SLC38A10: variants seen among roughly 807,000 people sequenced by gnomAD.
SLC38A10 encodes the protein Sodium-coupled neutral amino acid transporter 10.
In SLC38A10, 53 loss-of-function variants were observed where a neutral mutation model predicts 81.0. That is an observed-to-expected ratio of 0.65 (90% CI 0.53 to 0.82). SLC38A10 has a LOEUF of 0.82. Among genes scored for constraint, SLC38A10 ranks in the 40% least tolerant of loss-of-function variants. The pLI is 0.00. For synonymous variants in SLC38A10, 665 were observed against 655.3 expected, an observed-to-expected ratio of 1.01 and a Z score of -0.23; for missense variants, 1,471 against 1,545.0, an observed-to-expected ratio of 0.95 and a Z score of 0.80.
At chr17:81,259,263 A>T (rs1238928837) in intron 11 of SLC38A10, among the ~76,000 whole-genome samples, 1 of 152,146 alleles carries the variant, frequency 6.6e-6, no homozygotes, top group African/African-American at 2.4e-5. Context: ...TGAGACCCCC[A>T]GCCAGAGCCG....
At position 81,272,620 on chromosome 17, in the gene SLC38A10, T is replaced by A. The variant is rs369218010; in HGVS notation, c.920A>T (p.Asp307Val). 1 of 1,547,000 alleles carries A rather than the reference T, an allele frequency of 6.5e-7. No individual in the cohort carries two copies. Among genetic ancestry groups the A allele is most frequent in the South Asian group, 1.2e-5 (1 of 81,990 alleles). ...GTAGCCCCCTGCTGCAAAGGTGCCA[T>A]CTTTTTGCTGTACAAAAGAAAAACA... is the stretch of plus-strand genomic sequence containing the variant. ...STLLCEQQQK[D>V]GTFAAGGYMP... Residue 307 changes from aspartate (D) to valine (V), a missense_variant, in exon 9 of 16, where the codon GAT becomes GTT. Asp to Val is a radical substitution (Grantham distance 152). This residue lies in a region of SLC38A10 where 720 missense variants were observed against 827.7 expected (regional missense o/e 0.87). Transcript: ENST00000374759.
Position 81,289,324 on chromosome 17 carries a change from G to A in SLC38A10, c.217+367C>T, listed in dbSNP as rs2063291918. On this transcript the variant is annotated intron_variant, in intron 2 of 15. Transcript: ENST00000374759. The surrounding 1 kb of genome is among the most constrained non-coding windows in gnomAD (Gnocchi z 5.9). ...GCCAAAGTGCTGGGATTACAGGCAC[G>A]AGCCACCACGCCCGGCAGGTTTTTT... 6.6e-6 allele frequency among the ~76,000 whole-genome samples: 1 copy of A among 151,522 alleles called. No homozygotes were observed. The highest frequency in any genetic ancestry group is 1.5e-5 in the Non-Finnish European group (1 of 67,962).
intron 13 of SLC38A10, 137 bp downstream of exon 13, chr17:81,252,058 G>C (rs1002438796): frequency 1.6e-6 from 2 of 1,277,644 alleles, no homozygotes; most frequent in African/African-American, 3.0e-5. Context: ...GCCGGGGCCC[G>C]CTCCATTTGC....
At position 81,252,617 on chromosome 17, in the gene SLC38A10, A is replaced by AC; in HGVS notation, c.1522dup (p.Val508GlyfsTer3). On this transcript the variant is annotated frameshift_variant, in exon 13 of 16. Coordinates refer to ENST00000374759, the MANE Select transcript of SLC38A10 (RefSeq NM_001037984.3). LOFTEE classifies it high-confidence loss of function. ...CACCTCTCGGTCTTGGCCTTCATCT[A>AC]CCACCACCTTGTCGTGAGGAACAGG... The AC allele has an allele frequency of 1.9e-6, 3 of 1,612,870 alleles. No homozygotes were observed. Among genetic ancestry groups the AC allele is most frequent in the Non-Finnish European group, 2.5e-6 (3 of 1,180,000 alleles).
chr17:81,250,291 C>T (rs1057135701), intron 14 of SLC38A10, among the ~76,000 whole-genome samples: 1 of 152,244 alleles, frequency 6.6e-6, no homozygotes, highest in Non-Finnish European at 1.5e-5. Context: ...CTCAGAGCTC[C>T]GGGAGCCCAG....
intron 10 of SLC38A10, among the ~76,000 whole-genome samples, chr17:81,268,410 T>C (rs2063087829): frequency 6.6e-6 from 1 of 152,074 alleles, no homozygotes; most frequent in South Asian, 2.1e-4. Context: ...TTCTTTTTTT[T>C]CTTTTTTTTT....
At chr17:81,291,607 G>A (rs1258574790) in intron 1 of SLC38A10, among the ~76,000 whole-genome samples, 3 of 152,022 alleles carry the variant, frequency 2.0e-5, no homozygotes, top group South Asian at 2.1e-4. Flanking sequence ...GATGCGGGCC[G>A]GCATGTGCAC....
chr17:81,284,080 T>C (rs61698755), intron 3 of SLC38A10, among the ~76,000 whole-genome samples: 93,958 of 151,150 alleles, frequency 0.62, 30,875 homozygotes, highest in African/African-American at 0.85. Context: ...ATGATGGGCC[T>C]GGCACAGTGG....
chr17:81,287,461 G>A (rs1390496796), intron 2 of SLC38A10, among the ~76,000 whole-genome samples: 10 of 152,224 alleles, frequency 6.6e-5, no homozygotes, highest in Non-Finnish European at 1.5e-4. Context: ...CTCTCCCAGC[G>A]CGGGTCTCCC....
intron 14 of SLC38A10, among the ~76,000 whole-genome samples, chr17:81,248,765 CCAGGAACGCAGCCCTGGGCCTCGCCCAGA>C (rs967171693): frequency 2.6e-5 from 4 of 152,226 alleles, no homozygotes; most frequent in African/African-American, 9.6e-5. Flanking sequence ...CAGCATTCTC[CCAGGAACGCAGCCCTGGGCCTCGCCCAGA>C]CCCCTGGATG....
rs894433633 is a variant in SLC38A10, at chr17:81,276,342, A to C, written c.730-191T>G. 4.0e-5 allele frequency among the ~76,000 whole-genome samples: 6 copies of C among 151,602 alleles called. No individual in the cohort carries two copies. Among genetic ancestry groups the C allele is most frequent in the Non-Finnish European group, 7.4e-5 (5 of 67,872 alleles). The stretch of plus-strand genomic sequence containing the variant: ...CACCATTTCGCCTCCTCCTTCTAAA[A>C]ATCTCTAGTTTCTGTAAGAACATGC... On this transcript the variant is annotated intron_variant, in intron 7 of 15. Transcript: ENST00000374759. The surrounding 1 kb of genome is among the most constrained non-coding windows in gnomAD (Gnocchi z 4.7).
intron 8 of SLC38A10, among the ~76,000 whole-genome samples, chr17:81,275,419 A>C (rs2063151212): frequency 6.6e-6 from 1 of 152,092 alleles, no homozygotes; most frequent in Non-Finnish European, 1.5e-5. Context: ...AAATTTTTCA[A>C]AGTTACACAA....
At chr17:81,251,910 G>A (rs1448144172) in intron 13 of SLC38A10, 5 of 514,174 alleles carry the variant, frequency 9.7e-6, no homozygotes, top group Admixed American at 3.8e-5. Flanking sequence ...CCTGTCAGGC[G>A]CCCCCCGCGC....
chr17:81,278,267 C>A (rs2063179748), intron 6 of SLC38A10, among the ~76,000 whole-genome samples: 1 of 152,202 alleles, frequency 6.6e-6, no homozygotes. Context: ...CACCCAAATA[C>A]CAGCACTTTG....
At position 81,245,418 on chromosome 17, in the gene SLC38A10, A is replaced by G; in HGVS notation, c.*138T>C. Reference sequence around the variant, plus strand: ...GTGAATCTTTTATACTGTCACTCACACTTGGTGAGGGCCTCAGACATGAAA... The same window carrying G: ...GTGAATCTTTTATACTGTCACTCACGCTTGGTGAGGGCCTCAGACATGAAA... On this transcript the variant is annotated 3_prime_UTR_variant, in exon 16 of 16. Transcript: ENST00000374759. The G allele has an allele frequency of 1.9e-6, 2 of 1,060,578 alleles. 1 individual carries two copies. 65.7% of individuals were successfully genotyped at this position (1,060,578 alleles called of 1,614,324 possible).
At position 81,276,014 on chromosome 17, in the gene SLC38A10, G is replaced by A. The variant is rs761359917; in HGVS notation, c.867C>T (p.Ile289=). 1 of 1,613,728 alleles carries A rather than the reference G, an allele frequency of 6.2e-7. No individual in the cohort carries two copies. The highest frequency in any genetic ancestry group is 1.7e-5 in the Admixed American group (1 of 60,030). Residue 289 remains isoleucine (I), a synonymous_variant, in exon 8 of 16, where the codon ATC becomes ATT. Coordinates refer to ENST00000374759, the MANE Select transcript of SLC38A10 (RefSeq NM_001037984.3). This position sits in a 1 kb window ranked among gnomAD's most constrained non-coding sequence, Gnocchi z 4.7. ...MSVAVGFPMM[I]LPCRQALSTL... is the part of the protein sequence containing the mutation. ...TGCTCAGGGCCTGCCTGCATGGCAG[G>A]ATCATCATGGGGAAGCCCACAGCCA...
At chr17:81,268,427 G>A (rs117577476) in intron 10 of SLC38A10, among the ~76,000 whole-genome samples, 64 of 149,880 alleles carry the variant, frequency 4.3e-4, no homozygotes, top group Non-Finnish European at 7.4e-4. Context: ...TTTTTGAGAC[G>A]GAGTCTTTTG....
intron 14 of SLC38A10, 142 bp downstream of exon 14, chr17:81,251,350 AG>A (rs778745860): frequency 3.1e-6 from 5 of 1,612,928 alleles, no homozygotes; most frequent in Non-Finnish European, 3.4e-6. Flanking sequence ...AAGCTCTCCG[AG>A]GGGTCTGCTC....
chr17:81,289,586 T>C lies in SLC38A10; in HGVS notation c.217+105A>G, dbSNP rs987959786. 1.3e-6 allele frequency: 1 copy of C among 788,558 alleles called. No individual in the cohort carries two copies. Among genetic ancestry groups the C allele is most frequent in the Non-Finnish European group, 1.8e-6 (1 of 546,730 alleles). The allele number at this position is 788,558 out of a possible 1,614,324, so 48.8% of individuals were successfully genotyped here. On this transcript the variant is annotated intron_variant, in intron 2 of 15. Coordinates refer to ENST00000374759, the MANE Select transcript of SLC38A10 (RefSeq NM_001037984.3). This position sits in a 1 kb window ranked among gnomAD's most constrained non-coding sequence, Gnocchi z 5.9. ...TTTTAAAATAAAAAAAACCCTGCTA[T>C]CCAAGGAATTCTTGAAGAATCAAGT...
Sources: allele counts gnomAD v4.1 joint callset (sites outside exome capture counted in the v4.1 genomes callset), GRCh38; gene constraint gnomAD v4.1.1; regional missense constraint gnomAD v4.1.1; non-coding constraint Gnocchi (gnomAD v3.1); transcripts MANE v1.5; gene names NCBI Gene and HGNC (gene_info 2026-07-23, HGNC 2026-07-21).